GPC5: variants seen among roughly 807,000 people sequenced by gnomAD.
GPC5 encodes the protein glypican 5, also known as glypican-5.
Under a neutral mutation model 53.9 loss-of-function variants are expected in GPC5, and 47 were observed. That is an observed-to-expected ratio of 0.87 (90% CI 0.69 to 1.11). The LOEUF (loss-of-function observed/expected upper bound fraction) is 1.11. Among genes scored for constraint, GPC5 ranks in the 50% most tolerant of loss-of-function variants. The probability of loss-of-function intolerance (pLI) is 0.00; values close to 1 mark genes in which losing one functional copy is unlikely to be tolerated. For missense variants in GPC5, 748 were observed against 713.1 expected (o/e 1.05, Z -0.56); for synonymous variants, 286 against 263.3 (o/e 1.09, Z -0.84).
chr13:92,544,530 T>C (rs538049379), intron 7 of GPC5, among the ~76,000 whole-genome samples: 2 of 152,284 alleles, frequency 1.3e-5, no homozygotes, highest in African/African-American at 4.8e-5. Context: ...TGTTTTGATT[T>C]TATTTTTTCT....
At chr13:92,806,273 T>G (rs1205444894) in intron 7 of GPC5, among the ~76,000 whole-genome samples, 3 of 152,112 alleles carry the variant, frequency 2.0e-5, no homozygotes, top group Admixed American at 2.0e-4. Context: ...CCCACTGCTT[T>G]CATCCCTCAT....
chr13:92,096,278 T>C (rs564997464), intron 6 of GPC5, among the ~76,000 whole-genome samples: 1 of 152,256 alleles, frequency 6.6e-6, no homozygotes, highest in Non-Finnish European at 1.5e-5. Context: ...TAACTATCTC[T>C]GCCATTCATG....
chr13:91,508,910 G>T (rs1288208675), intron 2 of GPC5, among the ~76,000 whole-genome samples: 1 of 152,172 alleles, frequency 6.6e-6, no homozygotes, highest in Non-Finnish European at 1.5e-5. Flanking sequence ...AGCATCATTA[G>T]GTTAGAAAAC....
intron 7 of GPC5, among the ~76,000 whole-genome samples, chr13:92,344,904 A>G (rs73629697): frequency 1.3e-5 from 2 of 152,192 alleles, no homozygotes; most frequent in African/African-American, 4.8e-5. Flanking sequence ...TGATTATATG[A>G]TATGAGAATA....
chr13:92,049,825 A>G (rs1211683647), intron 6 of GPC5, among the ~76,000 whole-genome samples: 3 of 152,166 alleles, frequency 2.0e-5, no homozygotes, highest in Non-Finnish European at 4.4e-5. Flanking sequence ...TTATGATGAA[A>G]GCGAAGAGGA....
At chr13:92,252,278 A>T (rs985616151) in intron 7 of GPC5, among the ~76,000 whole-genome samples, 88 of 152,248 alleles carry the variant, frequency 5.8e-4, no homozygotes, top group African/African-American at 2.1e-3. Flanking sequence ...ATGTTTGGAT[A>T]AACAGTGGAT....
intron 7 of GPC5, among the ~76,000 whole-genome samples, chr13:92,524,290 A>G (rs543840058): frequency 5.9e-5 from 9 of 152,224 alleles, no homozygotes; most frequent in African/African-American, 2.2e-4. Flanking sequence ...CTTCACCAGG[A>G]ATGATTTTAT....
chr13:92,741,250 T>C (rs1160140692), intron 7 of GPC5, among the ~76,000 whole-genome samples: 2 of 151,558 alleles, frequency 1.3e-5, no homozygotes, highest in African/African-American at 4.8e-5. Context: ...AACCAAAATG[T>C]AATTGATTAA....
chr13:92,433,558 G>A (rs986653600), intron 7 of GPC5, among the ~76,000 whole-genome samples: 5 of 152,168 alleles, frequency 3.3e-5, no homozygotes, highest in African/African-American at 4.8e-5. Flanking sequence ...GTATGGAGGA[G>A]CAGACAGTTG....
intron 7 of GPC5, among the ~76,000 whole-genome samples, chr13:92,559,935 C>T (rs1416456291): frequency 6.6e-6 from 1 of 150,934 alleles, no homozygotes; most frequent in African/African-American, 2.4e-5. Flanking sequence ...TTCAGGCACC[C>T]AAGAGTTCAG....
At chr13:92,780,511 C>T (rs1008612774) in intron 7 of GPC5, among the ~76,000 whole-genome samples, 18 of 151,834 alleles carry the variant, frequency 1.2e-4, no homozygotes, top group Middle Eastern at 3.4e-3. Context: ...TGAGACTTTG[C>T]GTATAGACAG....
chr13:92,708,301 G>A (rs1342037180), intron 7 of GPC5, among the ~76,000 whole-genome samples: 1 of 151,982 alleles, frequency 6.6e-6, no homozygotes, highest in Non-Finnish European at 1.5e-5. Context: ...CATAGTTTTT[G>A]GTACAGCAGT....
At chr13:92,777,962 A>C (rs1875878618) in intron 7 of GPC5, among the ~76,000 whole-genome samples, 2 of 152,216 alleles carry the variant, frequency 1.3e-5, no homozygotes, top group African/African-American at 2.4e-5. Flanking sequence ...TTCCTTTGGA[A>C]ATGGTACACA....
chr13:92,470,121 G>C (rs755885291), intron 7 of GPC5, among the ~76,000 whole-genome samples: 1 of 152,038 alleles, frequency 6.6e-6, no homozygotes, highest in Non-Finnish European at 1.5e-5. Context: ...CAGCTTGTTC[G>C]TGTTTTACTC....
At chr13:92,775,505 T>G (rs959561577) in intron 7 of GPC5, among the ~76,000 whole-genome samples, 2 of 152,136 alleles carry the variant, frequency 1.3e-5, no homozygotes, top group African/African-American at 2.4e-5. Flanking sequence ...CCAAAAAAAT[T>G]TATGCTTTTT....
intron 7 of GPC5, among the ~76,000 whole-genome samples, chr13:92,484,245 C>T (rs1280212875): frequency 1.3e-5 from 2 of 152,160 alleles, no homozygotes; most frequent in Non-Finnish European, 2.9e-5. Flanking sequence ...AGGTCAGTAA[C>T]ACTCATGGAG....
At chr13:92,501,359 A>G (rs1880176349) in intron 7 of GPC5, among the ~76,000 whole-genome samples, 1 of 152,156 alleles carries the variant, frequency 6.6e-6, no homozygotes, top group Non-Finnish European at 1.5e-5. Flanking sequence ...GAAATGTGAC[A>G]ATATACTTGA....
intron 7 of GPC5, among the ~76,000 whole-genome samples, chr13:92,854,612 T>G (rs575756353): frequency 6.6e-6 from 1 of 152,126 alleles, no homozygotes; most frequent in Admixed American, 6.6e-5. Flanking sequence ...AAAATATCAC[T>G]GACTTTTCTC....
rs145725581 is a variant in GPC5 at position 92,760,907 on chromosome 13, C to G, written c.1562-105375C>G. ...CTTTTCCTTTTAATTCTTCTTTGAC[C>G]CATTCATTGTTCAGAAGCATATTGT... is the stretch of plus-strand genomic sequence containing the variant. On this transcript the variant is annotated intron_variant, in intron 7 of 7. Coordinates refer to ENST00000377067, the MANE Select transcript of GPC5 (RefSeq NM_004466.6). Among the ~76,000 whole-genome samples the G allele has an allele frequency of 2.8e-3, 432 of 151,924 alleles. 2 individuals are homozygous for G. The highest frequency in any genetic ancestry group is 9.6e-3 in the African/African-American group (397 of 41,438).
Sources: gnomAD v4.1 joint callset for allele counts (sites outside exome capture counted in the v4.1 genomes callset) on GRCh38, gnomAD v4.1.1 for gene constraint, MANE v1.5 for transcripts, NCBI Gene and HGNC (gene_info 2026-07-23, HGNC 2026-07-21) for gene names.